The following LINGO2 variants were observed in gnomAD, a reference collection of about 807,000 sequenced individuals.
LINGO2 encodes leucine-rich repeat and immunoglobulin-like domain-containing nogo receptor-interacting protein 2.
LINGO2 carries 14 observed loss-of-function variants against 30.6 expected under a neutral mutation model. That is an observed-to-expected ratio of 0.46 (90% CI 0.30 to 0.72). LINGO2 has a LOEUF of 0.72. Among genes scored for constraint, LINGO2 ranks in the 30% least tolerant of loss-of-function variants. The pLI is 0.07. For synonymous variants in LINGO2, 317 were observed against 288.5 expected (o/e 1.10, Z -1.00); for missense variants, 729 against 751.7 (o/e 0.97, Z 0.35).
intron 4 of LINGO2, among the ~76,000 whole-genome samples, chr9:28,030,389 C>T (rs895163517): frequency 1.3e-5 from 2 of 152,146 alleles, no homozygotes; most frequent in African/African-American, 4.8e-5. Context: ...ACACCCTAAA[C>T]TAAGACTCAT....
intron 1 of LINGO2, among the ~76,000 whole-genome samples, chr9:28,495,574 A>G (rs1819580577): frequency 6.6e-6 from 1 of 152,018 alleles, no homozygotes. Flanking sequence ...CCATTGGTCT[A>G]TATCTCTGTT....
chr9:29,207,048 T>C, the LINGO2 span, among the ~76,000 whole-genome samples: 6 of 151,904 alleles, frequency 3.9e-5, no homozygotes, highest in Non-Finnish European at 7.4e-5. Context: ...TACATATATA[T>C]ATGTAAATAT....
At chr9:28,347,972 G>A (rs1240948000) in intron 3 of LINGO2, among the ~76,000 whole-genome samples, 2 of 152,164 alleles carry the variant, frequency 1.3e-5, no homozygotes, top group Non-Finnish European at 2.9e-5. Context: ...AGATTTGGAT[G>A]TAAAGAATGT....
intron 2 of LINGO2, among the ~76,000 whole-genome samples, chr9:28,378,572 C>T (rs908438729): frequency 6.6e-6 from 1 of 152,168 alleles, no homozygotes; most frequent in Non-Finnish European, 1.5e-5. Context: ...CTTCCAGAAA[C>T]TCTACTAGAC....
chr9:28,410,024 GAGAC>G (rs1485728908), intron 2 of LINGO2, among the ~76,000 whole-genome samples: 1 of 149,800 alleles, frequency 6.7e-6, no homozygotes, highest in African/African-American at 2.5e-5. Context: ...GGGAGGGAGA[GAGAC>G]AGAAGAAGAG....
intron 1 of LINGO2, among the ~76,000 whole-genome samples, chr9:28,494,905 C>T (rs1204320061): frequency 1.3e-5 from 2 of 152,174 alleles, no homozygotes; most frequent in Non-Finnish European, 2.9e-5. Flanking sequence ...TTAATGATTG[C>T]CATTCTAACT....
At chr9:28,877,330 C>A in the LINGO2 span, among the ~76,000 whole-genome samples, 2 of 151,908 alleles carry the variant, frequency 1.3e-5, no homozygotes, top group East Asian at 1.9e-4. Context: ...CTTGCCCATG[C>A]CTATGTCCTG....
At chr9:28,143,001 T>C (rs1827717359) in intron 4 of LINGO2, among the ~76,000 whole-genome samples, 1 of 152,178 alleles carries the variant, frequency 6.6e-6, no homozygotes, top group South Asian at 2.1e-4. Flanking sequence ...GATTTCAATC[T>C]GATCAATTGC....
At chr9:28,563,261 A>T (rs1823199066) in intron 1 of LINGO2, among the ~76,000 whole-genome samples, 1 of 152,126 alleles carries the variant, frequency 6.6e-6, no homozygotes, top group Non-Finnish European at 1.5e-5. Context: ...TTAAATCCAG[A>T]TCTATCACTG....
At chr9:29,192,021 T>C in the LINGO2 span, among the ~76,000 whole-genome samples, 1 of 152,160 alleles carries the variant, frequency 6.6e-6, no homozygotes, top group African/African-American at 2.4e-5. Flanking sequence ...CCCATGGGGT[T>C]TGTTATGTAG....
At chr9:28,017,961 C>G (rs1468418511) in intron 4 of LINGO2, among the ~76,000 whole-genome samples, 1 of 152,102 alleles carries the variant, frequency 6.6e-6, no homozygotes, top group East Asian at 1.9e-4. Flanking sequence ...AGCTATATTA[C>G]AAATCCATAG....
chr9:28,460,112 A>G (rs1415036395), intron 2 of LINGO2, among the ~76,000 whole-genome samples: 4 of 151,892 alleles, frequency 2.6e-5, no homozygotes, highest in African/African-American at 4.8e-5. Flanking sequence ...ATTTTTATCT[A>G]TTGTTATTTT....
intron 4 of LINGO2, among the ~76,000 whole-genome samples, chr9:28,069,901 C>A (rs1443469077): frequency 6.6e-6 from 1 of 152,224 alleles, no homozygotes; most frequent in Non-Finnish European, 1.5e-5. Context: ...AGTGAAAGCT[C>A]TTCCAGCAAT....
chr9:28,556,355 GACAA>G (rs1322065480), intron 1 of LINGO2, among the ~76,000 whole-genome samples: 1 of 131,756 alleles, frequency 7.6e-6, no homozygotes, highest in Non-Finnish European at 1.6e-5. Flanking sequence ...ACCAACAACA[GACAA>G]ACAGAGAGCC....
the LINGO2 span, among the ~76,000 whole-genome samples, chr9:29,146,403 G>T: frequency 2.0e-5 from 3 of 151,948 alleles, no homozygotes; most frequent in Non-Finnish European, 4.4e-5. Flanking sequence ...ACTTCTGTGG[G>T]CCTTAATAAT....
chr9:28,449,595 C>A (rs996672716), intron 2 of LINGO2, among the ~76,000 whole-genome samples: 7 of 151,998 alleles, frequency 4.6e-5, no homozygotes, highest in African/African-American at 1.7e-4. Context: ...GTAAAACAAA[C>A]AAACCAAAAT....
chr9:28,163,393 A>G (rs1828341162), intron 4 of LINGO2, among the ~76,000 whole-genome samples: 1 of 152,186 alleles, frequency 6.6e-6, no homozygotes, highest in Non-Finnish European at 1.5e-5. Flanking sequence ...AAAGCAATGT[A>G]ATGTGAATGC....
chr9:28,461,289 G>T (rs1825069971), intron 2 of LINGO2, among the ~76,000 whole-genome samples: 1 of 152,070 alleles, frequency 6.6e-6, no homozygotes, highest in Non-Finnish European at 1.5e-5. Flanking sequence ...AGCCTAAAGT[G>T]CTATACAAGC....
At position 28,164,881 on chromosome 9, in the gene LINGO2, C is replaced by T. The variant is rs78015178; in HGVS notation, c.-87+130327G>A. 4.7e-4 allele frequency among the ~76,000 whole-genome samples: 72 copies of T among 152,222 alleles called. No homozygotes were observed. The East Asian group carries it at 0.012, about 26-fold the overall frequency. On this transcript the variant is annotated intron_variant, in intron 4 of 5. Coordinates refer to ENST00000379992, the Ensembl canonical transcript of LINGO2. ...GCTTCCTATGTCTTACTTTGCACAC[C>T]GATAAAGGGTTCCCACTCATCATAT...
Sources: gnomAD v4.1 joint callset for allele counts (sites outside exome capture counted in the v4.1 genomes callset) on GRCh38, gnomAD v4.1.1 for gene constraint, MANE v1.5 for transcripts, NCBI Gene and HGNC (gene_info 2026-07-23, HGNC 2026-07-21) for gene names.